RIDA: variants seen among roughly 807,000 people sequenced by gnomAD.
The protein encoded by RIDA is 2-iminobutanoate/2-iminopropanoate deaminase.
In RIDA, 17 loss-of-function variants were observed where a neutral mutation model predicts 17.8. That is an observed-to-expected ratio of 0.96 (90% confidence interval 0.65 to 1.43). The LOEUF (loss-of-function observed/expected upper bound fraction) is 1.43, where lower values mean the gene tolerates loss of function less well. RIDA is among the 40% of genes most tolerant of loss of function. RIDA has a pLI of 0.00. For missense variants in RIDA, 158 were observed against 161.7 expected (o/e 0.98, Z 0.12); for synonymous variants, 48 against 55.7 (o/e 0.86, Z 0.62).
chr8:98,115,647 T>G (rs1815802834), intron 1 of RIDA, among the ~76,000 whole-genome samples: 1 of 151,870 alleles, frequency 6.6e-6, no homozygotes, highest in African/African-American at 2.4e-5. Flanking sequence ...TACCTCGGCC[T>G]CCCACAGTGC....
At chr8:98,107,449 G>C (rs906469443) in intron 2 of RIDA, among the ~76,000 whole-genome samples, 27 of 152,126 alleles carry the variant, frequency 1.8e-4, no homozygotes, top group Admixed American at 1.8e-3. Context: ...GCTTGAACCT[G>C]GAAGACAGAG....
chr8:98,108,843 A>G, intron 1 of RIDA, 92 bp from the exon 2 acceptor site: 2 of 671,738 alleles, frequency 3.0e-6, no homozygotes, highest in South Asian at 3.5e-5. Context: ...AGAAGTATAA[A>G]TTGTAAAAAA....
chr8:98,106,606 A>G, intron 2 of RIDA: 1 of 334,890 alleles, frequency 3.0e-6, no homozygotes, highest in Middle Eastern at 8.8e-4. Context: ...GTCCACAGAA[A>G]TAATTTCTGG....
chr8:98,114,474 G>A (rs974365538), intron 1 of RIDA, among the ~76,000 whole-genome samples: 1 of 149,768 alleles, frequency 6.7e-6, no homozygotes, highest in Admixed American at 6.7e-5. Context: ...ACAGGCATAC[G>A]CCACTATACC....
At chr8:98,112,208 A>G (rs1163500716) in intron 1 of RIDA, among the ~76,000 whole-genome samples, 5 of 151,762 alleles carry the variant, frequency 3.3e-5, no homozygotes, top group African/African-American at 1.2e-4. Flanking sequence ...ACACACACAC[A>G]CACACACACA....
chr8:98,116,892 T>C (rs1157541735), intron 1 of RIDA, 140 bp downstream of exon 1: 5 of 679,846 alleles, frequency 7.4e-6, no homozygotes, highest in South Asian at 3.6e-5. Context: ...CAACTCTCTG[T>C]GGGTCTTCGG....
At chr8:98,116,694 T>C (rs1199638728) in intron 1 of RIDA, among the ~76,000 whole-genome samples, 2 of 152,088 alleles carry the variant, frequency 1.3e-5, no homozygotes, top group African/African-American at 4.8e-5. Context: ...AATCTTACGG[T>C]ACGTGAATTA....
Position 98,117,098 on chromosome 8 carries a change from GC to G in RIDA, c.-3del. The G allele has an allele frequency of 6.2e-7, 1 of 1,614,020 alleles. No individual in the cohort carries two copies. Among genetic ancestry groups the G allele is most frequent in the South Asian group, 1.1e-5 (1 of 91,082 alleles). ...CACCCTTCTGATCAAGGACGACATG[GC>G]TAAGCCTTCCCTCTTGCAGCCCCTT... On this transcript the variant is annotated 5_prime_UTR_variant, in exon 1 of 6. Transcript: ENST00000254878.
At chr8:98,111,102 T>C (rs1000725587) in intron 1 of RIDA, among the ~76,000 whole-genome samples, 1 of 152,174 alleles carries the variant, frequency 6.6e-6, no homozygotes, top group East Asian at 1.9e-4. Flanking sequence ...TTCTGCAAAG[T>C]GCTTACTTCT....
intron 1 of RIDA, among the ~76,000 whole-genome samples, chr8:98,114,896 T>G (rs1469268647): frequency 6.8e-6 from 1 of 146,870 alleles, no homozygotes; most frequent in Non-Finnish European, 1.5e-5. Flanking sequence ...TTTCCAATTT[T>G]TTTTTTCAAT....
intron 1 of RIDA, among the ~76,000 whole-genome samples, chr8:98,114,306 C>T (rs1334821132): frequency 6.7e-6 from 1 of 150,194 alleles, no homozygotes; most frequent in Non-Finnish European, 1.5e-5. Flanking sequence ...GAAACCACCA[C>T]AACCTGTACC....
In RIDA at chr8:98,115,089, G is replaced by A. The variant is rs533133457; in HGVS notation, c.65+1943C>T. 5.9e-5 allele frequency among the ~76,000 whole-genome samples: 9 copies of A among 152,062 alleles called. No homozygotes were observed. The South Asian group carries it at 1.9e-3, about 32-fold the overall frequency. ...TATAACCATGCACATAAATAACTTA[G>A]AACAGTGCCTGGTGCTGGCCAGGCA... On this transcript the variant is annotated intron_variant, in intron 1 of 5. Transcript: ENST00000254878.
intron 1 of RIDA, 117 bp downstream of exon 1, chr8:98,116,915 C>T (rs532835040): frequency 2.3e-4 from 196 of 835,748 alleles, no homozygotes; most frequent in Middle Eastern, 3.3e-4. Context: ...GCGTTGCTTA[C>T]TTTCCAGGCT....
chr8:98,110,316 G>A (rs1461027376), intron 1 of RIDA, among the ~76,000 whole-genome samples: 3 of 152,182 alleles, frequency 2.0e-5, no homozygotes, highest in African/African-American at 7.2e-5. Context: ...AGGCTGGAGT[G>A]CAGTGGCACA....
rs928808748 is a variant in RIDA, at chr8:98,108,673, T to A, written c.144A>T (p.Ser48=). ...GMDPSSGQLV[S]GGVAEEAKQA... is the part of the protein sequence containing the mutation. ...GTTTAGCTTCTTCTGCTACCCCTCCTGACACAAGCTGTCCACTTGAAGGGT... is the reference window on the plus strand; with the variant it reads ...GTTTAGCTTCTTCTGCTACCCCTCCAGACACAAGCTGTCCACTTGAAGGGT... Residue 48 remains serine, a synonymous_variant, in exon 2 of 6, where the codon TCA becomes TCT. Coordinates refer to ENST00000254878, the MANE Select transcript of RIDA (RefSeq NM_005836.3). The A allele has an allele frequency of 6.2e-7, 1 of 1,613,254 alleles. No homozygotes were observed. The highest frequency in any genetic ancestry group is 8.5e-7 in the Non-Finnish European group (1 of 1,179,180).
At chr8:98,113,284 A>G (rs1345131922) in intron 1 of RIDA, among the ~76,000 whole-genome samples, 1 of 152,196 alleles carries the variant, frequency 6.6e-6, no homozygotes, top group Non-Finnish European at 1.5e-5. Context: ...ATCCATCCCA[A>G]TGCCAGGGAC....
chr8:98,105,072 A>G (rs957080883), intron 4 of RIDA, among the ~76,000 whole-genome samples: 5 of 145,694 alleles, frequency 3.4e-5, no homozygotes, highest in South Asian at 2.1e-4. Context: ...ATTTTGCCAT[A>G]TGATTCCTAT....
intron 1 of RIDA, 46 bp downstream of exon 1, chr8:98,116,986 A>C: frequency 6.5e-7 from 1 of 1,529,754 alleles, no homozygotes; most frequent in Non-Finnish European, 9.0e-7. Flanking sequence ...CGAATCCCCG[A>C]ACCCGCACGC....
chr8:98,116,308 C>G (rs1379599514), intron 1 of RIDA, among the ~76,000 whole-genome samples: 1 of 152,068 alleles, frequency 6.6e-6, no homozygotes, highest in East Asian at 1.9e-4. Context: ...TATTTATTTC[C>G]AAGTTTTCTA....
Sources: gnomAD v4.1 joint callset for allele counts (sites outside exome capture counted in the v4.1 genomes callset) on GRCh38, gnomAD v4.1.1 for gene constraint, MANE v1.5 for transcripts, NCBI Gene and HGNC (gene_info 2026-07-23, HGNC 2026-07-21) for gene names.